Variants in TNFRSF1A observed in about 807,000 individuals in gnomAD.
TNFRSF1A encodes the protein TNF receptor superfamily member 1A.
A neutral mutation model predicts 41.6 loss-of-function variants in TNFRSF1A; 9 were observed. The observed-to-expected ratio is 0.22, with a 90% CI of 0.13 to 0.38. The LOEUF is 0.38. Among genes scored for constraint, TNFRSF1A ranks in the 10% least tolerant of loss-of-function variants. The pLI, the probability that TNFRSF1A is intolerant of heterozygous loss-of-function variation, is 1.00. For missense variants in TNFRSF1A, 463 were observed against 591.5 expected, an observed-to-expected ratio of 0.78 and a Z score of 2.25; for synonymous variants, 254 against 248.6, an observed-to-expected ratio of 1.02 and a Z score of -0.21.
Position 6,330,941 on chromosome 12 carries a change from G to C in TNFRSF1A, c.552-15C>G, listed in dbSNP as rs370357102. On this transcript the variant is annotated splice_polypyrimidine_tract_variant and intron_variant, in intron 5 of 9. Coordinates refer to ENST00000162749, the MANE Select transcript of TNFRSF1A (RefSeq NM_001065.4). ...TTTTCTTACAGCTAAAAGAAGAGAC[G>C]GCACTGGTGAACAGAGGCCCTACCA... The C allele has an allele frequency of 6.2e-7, 1 of 1,611,542 alleles. No homozygotes were observed. The highest frequency in any genetic ancestry group is 8.5e-7 in the Non-Finnish European group (1 of 1,178,670).
Position 6,329,326 on chromosome 12 carries a change from T to TGGGCGCGGGCGGGA in TNFRSF1A, c.1340_1353dup (p.Leu453ArgfsTer56). On this transcript the variant is annotated frameshift_variant, in exon 10 of 10. Transcript: ENST00000162749. LOFTEE classifies it high-confidence loss of function. ...GGGGCGCAGCCTCATCTGAGAAGAC[T>TGGGCGCGGGCGGGA]GGGCGCGGGCGGGAGGGCGGCGGGG... The TGGGCGCGGGCGGGA allele has an allele frequency of 6.8e-7, 1 of 1,473,186 alleles. No homozygotes were observed. Among genetic ancestry groups the TGGGCGCGGGCGGGA allele is most frequent in the Non-Finnish European group, 8.9e-7 (1 of 1,121,632 alleles). 91.3% of individuals were successfully genotyped at this position (1,473,186 alleles called of 1,614,324 possible). A position where few individuals can be genotyped will look rare whatever the true frequency, so the allele number is the denominator to read the frequency against.
rs1274928359 is a variant in TNFRSF1A, at chr12:6,341,103, G to C, written c.39+673C>G. On this transcript the variant is annotated intron_variant, in intron 1 of 9. Coordinates refer to ENST00000162749, the MANE Select transcript of TNFRSF1A (RefSeq NM_001065.4). This position sits in a 1 kb window ranked among gnomAD's most constrained non-coding sequence, Gnocchi z 4.6. ...GCCTAGCAGCAGGCAAAAGGGTAAA[G>C]AATGTCCCCAGGTGAGAGGCCGGGG... 2.0e-5 allele frequency among the ~76,000 whole-genome samples: 3 copies of C among 152,176 alleles called. No individual in the cohort carries two copies. Among genetic ancestry groups the C allele is most frequent in the Non-Finnish European group, 4.4e-5 (3 of 68,030 alleles).
In TNFRSF1A at chr12:6,330,084, G is replaced by A; in HGVS notation, c.769-18C>T. On this transcript the variant is annotated intron_variant, in intron 8 of 9. Transcript: ENST00000162749. ...AGCTCCCCCTGAAAGAGAGAAGGTG[G>A]CGCAGCATTAGTGCGGCAGCGAAAA... The A allele has an allele frequency of 2.5e-6, 4 of 1,612,466 alleles. No homozygotes were observed. Among genetic ancestry groups the A allele is most frequent in the Non-Finnish European group, 2.5e-6 (3 of 1,179,940 alleles).
intron 1 of TNFRSF1A, among the ~76,000 whole-genome samples, chr12:6,336,160 G>C (rs958469703): frequency 6.6e-6 from 1 of 152,180 alleles, no homozygotes; most frequent in African/African-American, 2.4e-5. Flanking sequence ...AGAACTGGGG[G>C]ACGCCAGCCC....
Position 6,334,416 on chromosome 12 carries a change from C to A in TNFRSF1A, c.40-172G>T, listed in dbSNP as rs567715424. ...TTCCTTGAAACTTAGACAGTTGGGG[C>A]CATACAATCTGATGCTTAATTGTTC... On this transcript the variant is annotated intron_variant, in intron 1 of 9. Coordinates refer to ENST00000162749, the MANE Select transcript of TNFRSF1A (RefSeq NM_001065.4). This position sits in a 1 kb window ranked among gnomAD's most constrained non-coding sequence, Gnocchi z 5.1. Among the ~76,000 whole-genome samples, 1 of 152,290 alleles carries A rather than the reference C, an allele frequency of 6.6e-6. No individual in the cohort carries two copies. The highest frequency in any genetic ancestry group is 1.9e-4 in the East Asian group (1 of 5,182).
Position 6,341,911 on chromosome 12 carries a change from T to C in TNFRSF1A, c.-97A>G. 1 of 1,372,918 alleles carries C rather than the reference T, an allele frequency of 7.3e-7. No homozygotes were observed. Among genetic ancestry groups the C allele is most frequent in the Non-Finnish European group, 1.0e-6 (1 of 966,114 alleles). The allele number at this position is 1,372,918 out of a possible 1,614,324, so 85.0% of individuals were successfully genotyped here. On this transcript the variant is annotated 5_prime_UTR_variant, in exon 1 of 10. Transcript: ENST00000162749. This position sits in a 1 kb window ranked among gnomAD's most constrained non-coding sequence, Gnocchi z 4.6. ...CCCGGGACTCGGTCTGTCCAGGACG[T>C]CCCAAGTGCCTTGGGGTGACAGTTG... is the stretch of plus-strand genomic sequence containing the variant.
chr12:6,341,670 G>T lies in TNFRSF1A; in HGVS notation c.39+106C>A. On this transcript the variant is annotated intron_variant, in intron 1 of 9. Transcript: ENST00000162749. This position sits in a 1 kb window ranked among gnomAD's most constrained non-coding sequence, Gnocchi z 4.6. Reference sequence around the variant, plus strand: ...CCTGCAGGCCTGAGGCTGGCGCCAGGACCAGGCCCGGGCAGGAGAGGCTCG... The same window carrying T: ...CCTGCAGGCCTGAGGCTGGCGCCAGTACCAGGCCCGGGCAGGAGAGGCTCG... 7.4e-7 allele frequency: 1 copy of T among 1,360,482 alleles called. No individual in the cohort carries two copies. Among genetic ancestry groups the T allele is most frequent in the South Asian group, 1.2e-5 (1 of 83,552 alleles). The allele number at this position is 1,360,482 out of a possible 1,614,324, so 84.3% of individuals were successfully genotyped here. A position where few individuals can be genotyped will look rare whatever the true frequency, so the allele number is the denominator to read the frequency against.
rs771588049 is a variant in TNFRSF1A, at chr12:6,330,626, T to C, written c.711A>G (p.Gln237=). 1 of 1,613,734 alleles carries C rather than the reference T, an allele frequency of 6.2e-7. No homozygotes were observed. The highest frequency in any genetic ancestry group is 2.2e-5 in the East Asian group (1 of 44,886). Residue 237 remains glutamine (Q), a synonymous_variant, in exon 7 of 10, where the codon CAA becomes CAG. Coordinates refer to ENST00000162749, the MANE Select transcript of TNFRSF1A (RefSeq NM_001065.4). ...TGGAGTAGAGCTTGGACTTCCACCG[T>C]TGGTAGCGATACATTAAACCAATGA... is the stretch of plus-strand genomic sequence containing the variant. ...LLFIGLMYRY[Q]RWKSKLYSIV...
At chr12:6,332,435 A>C (rs1948063076) in intron 5 of TNFRSF1A, among the ~76,000 whole-genome samples, 1 of 51,692 alleles carries the variant, frequency 1.9e-5, no homozygotes, top group Non-Finnish European at 4.2e-5. Context: ...CCCTGTCTCA[A>C]AAAAAAAAAA....
intron 5 of TNFRSF1A, chr12:6,331,555 T>C: frequency 5.0e-6 from 1 of 200,556 alleles, no homozygotes; most frequent in Non-Finnish European, 1.0e-5. Context: ...GAGTTGTCAC[T>C]GGACAGTGTG....
In TNFRSF1A at chr12:6,334,987, C is replaced by T. The variant is rs1201796755; in HGVS notation, c.40-743G>A. ...CTGGGTTCACCGTGTGATCGCTTTGCGAACATTCACAGAGGTAAACAATGA... is the reference window on the plus strand; with the variant it reads ...CTGGGTTCACCGTGTGATCGCTTTGTGAACATTCACAGAGGTAAACAATGA... On this transcript the variant is annotated intron_variant, in intron 1 of 9. Coordinates refer to ENST00000162749, the MANE Select transcript of TNFRSF1A (RefSeq NM_001065.4). This position sits in a 1 kb window ranked among gnomAD's most constrained non-coding sequence, Gnocchi z 5.1. 2.0e-5 allele frequency among the ~76,000 whole-genome samples: 3 copies of T among 152,168 alleles called. No individual in the cohort carries two copies. Among genetic ancestry groups the T allele is most frequent in the East Asian group, 1.9e-4 (1 of 5,198 alleles).
At chr12:6,332,369 G>A (rs1014857293) in intron 5 of TNFRSF1A, among the ~76,000 whole-genome samples, 1 of 150,568 alleles carries the variant, frequency 6.6e-6, no homozygotes, top group Non-Finnish European at 1.5e-5. Flanking sequence ...AGCCCTGGAG[G>A]TGGAGGCTGA....
intron 1 of TNFRSF1A, among the ~76,000 whole-genome samples, chr12:6,339,806 C>T (rs573978808): frequency 1.1e-4 from 17 of 149,978 alleles, no homozygotes; most frequent in African/African-American, 3.7e-4. Context: ...TCCCTACTCC[C>T]CTACCCCACT....
chr12:6,332,453 A>AAG, intron 5 of TNFRSF1A, among the ~76,000 whole-genome samples: 1 of 61,898 alleles, frequency 1.6e-5, no homozygotes. Context: ...AAAAAAAAAA[A>AAG]AACACCAAAA....
At chr12:6,335,612 T>G (rs912910854) in intron 1 of TNFRSF1A, among the ~76,000 whole-genome samples, 1 of 152,202 alleles carries the variant, frequency 6.6e-6, no homozygotes, top group Non-Finnish European at 1.5e-5. Context: ...GCTTCATTTT[T>G]TTTTTCTACT....
At chr12:6,339,010 T>A (rs1565470214) in intron 1 of TNFRSF1A, among the ~76,000 whole-genome samples, 1 of 152,138 alleles carries the variant, frequency 6.6e-6, no homozygotes, top group African/African-American at 2.4e-5. Context: ...AACGAATGAA[T>A]GAATTCCTCC....
In TNFRSF1A at chr12:6,328,986, A is replaced by C; in HGVS notation, c.*326T>G. ...CAAAAAAAACTGCTTATGCACTGTG[A>C]AAAAGGCTCAGGGACGAACCAGGGG... On this transcript the variant is annotated 3_prime_UTR_variant, in exon 10 of 10. Coordinates refer to ENST00000162749, the MANE Select transcript of TNFRSF1A (RefSeq NM_001065.4). 2.8e-6 allele frequency: 1 copy of C among 356,300 alleles called. No individual in the cohort carries two copies. The highest frequency in any genetic ancestry group is 4.2e-5 in the East Asian group (1 of 23,872). The allele number at this position is 356,300 out of a possible 1,614,324, so 22.1% of individuals were successfully genotyped here. A position where few individuals can be genotyped will look rare whatever the true frequency, so the allele number is the denominator to read the frequency against.
chr12:6,334,265 G>A lies in TNFRSF1A; in HGVS notation c.40-21C>T, dbSNP rs771381118. 5 of 1,608,184 alleles carry A rather than the reference G, an allele frequency of 3.1e-6. 1 individual carries two copies. In the South Asian group the frequency reaches 4.4e-5, roughly 14 times the overall value. ...AGCACCTGGGGAAGAATCAGATAGAGGAGACACCATCAAGAGAGGGAGGGA... is the reference window on the plus strand; with the variant it reads ...AGCACCTGGGGAAGAATCAGATAGAAGAGACACCATCAAGAGAGGGAGGGA... On this transcript the variant is annotated intron_variant, in intron 1 of 9. Transcript: ENST00000162749. This position sits in a 1 kb window ranked among gnomAD's most constrained non-coding sequence, Gnocchi z 5.1.
intron 1 of TNFRSF1A, among the ~76,000 whole-genome samples, chr12:6,335,931 G>A (rs1311115270): frequency 6.6e-6 from 1 of 152,206 alleles, no homozygotes; most frequent in Non-Finnish European, 1.5e-5. Flanking sequence ...CCTGCTCAGA[G>A]GACAACAACC....
Sources: allele counts gnomAD v4.1 joint callset (sites outside exome capture counted in the v4.1 genomes callset), GRCh38; gene constraint gnomAD v4.1.1; non-coding constraint Gnocchi (gnomAD v3.1); transcripts MANE v1.5; gene names NCBI Gene and HGNC (gene_info 2026-07-23, HGNC 2026-07-21).